The following ZNF143 variants were observed in gnomAD, a reference collection of about 807,000 sequenced individuals.
ZNF143 encodes the protein zinc finger protein 143.
A neutral mutation model predicts 74.1 loss-of-function variants in ZNF143; 49 were observed. The ratio of observed to expected loss-of-function variants is 0.66; its 90% confidence interval spans 0.53 to 0.84. The LOEUF is 0.84. ZNF143 is among the 40% of genes least tolerant of loss of function. The probability of loss-of-function intolerance (pLI) is 0.00; values close to 1 mark genes in which losing one functional copy is unlikely to be tolerated. For synonymous variants in ZNF143, 304 were observed against 282.8 expected (o/e 1.07, Z -0.75); for missense variants, 637 against 793.4 (o/e 0.80, Z 2.37).
intron 7 of ZNF143, among the ~76,000 whole-genome samples, chr11:9,481,314 T>C (rs1261164029): frequency 6.6e-6 from 1 of 151,942 alleles, no homozygotes; most frequent in Non-Finnish European, 1.5e-5. Context: ...CTTGAGCCCG[T>C]GGTTTGAAGT....
Position 9,523,124 on chromosome 11 carries a change from G to C in ZNF143, c.1687-2116G>C, listed in dbSNP as rs1848997136. On this transcript the variant is annotated intron_variant, in intron 14 of 15. Coordinates refer to ENST00000396602, the MANE Select transcript of ZNF143 (RefSeq NM_003442.6). The stretch of plus-strand genomic sequence containing the variant: ...GACCTTGTGGATGACACATTATAGA[G>C]ATTCTGAATTTTGTTATCTTTCTCT... Among the ~76,000 whole-genome samples the C allele has an allele frequency of 2.6e-5, 4 of 152,082 alleles. No homozygotes were observed. In the South Asian group the frequency reaches 8.3e-4, roughly 32 times the overall value.
At chr11:9,466,276 C>A (rs1250978341) in intron 1 of ZNF143, among the ~76,000 whole-genome samples, 2 of 150,372 alleles carry the variant, frequency 1.3e-5, no homozygotes, top group Non-Finnish European at 3.0e-5. Flanking sequence ...AGCCACCATG[C>A]GCAGCCTAAT....
At chr11:9,521,447 C>A (rs1848923238) in intron 14 of ZNF143, among the ~76,000 whole-genome samples, 1 of 152,080 alleles carries the variant, frequency 6.6e-6, no homozygotes, top group African/African-American at 2.4e-5. Context: ...GGGAAGTGTT[C>A]TCTTCTGTAC....
At chr11:9,518,809 T>C (rs540171582) in intron 14 of ZNF143, among the ~76,000 whole-genome samples, 47 of 152,328 alleles carry the variant, frequency 3.1e-4, no homozygotes, top group African/African-American at 1.1e-3. Flanking sequence ...TTGTTACATA[T>C]TGCCAAATTA....
At chr11:9,463,218 A>G (rs1323444112) in intron 1 of ZNF143, among the ~76,000 whole-genome samples, 2 of 152,240 alleles carry the variant, frequency 1.3e-5, no homozygotes, top group Non-Finnish European at 2.9e-5. Context: ...CCCTTTGGCT[A>G]TTACACATAA....
At chr11:9,514,250 G>A (rs907091169) in intron 13 of ZNF143, among the ~76,000 whole-genome samples, 2 of 152,082 alleles carry the variant, frequency 1.3e-5, no homozygotes, top group Non-Finnish European at 2.9e-5. Context: ...GCTCCTCTCC[G>A]ACCATACAGA....
Position 9,511,712 on chromosome 11 carries a change from G to A in ZNF143, c.1376-736G>A, listed in dbSNP as rs1589936114. Among the ~76,000 whole-genome samples, 3 of 151,046 alleles carry A rather than the reference G, an allele frequency of 2.0e-5. No individual in the cohort carries two copies. The East Asian group carries it at 5.9e-4, about 30-fold the overall frequency. Reference sequence around the variant, plus strand: ...CTTGGCTTCCCAAAGTACTGACTGGGATTACAGGTGTGAGCCACTGTGCCT... The same window carrying A: ...CTTGGCTTCCCAAAGTACTGACTGGAATTACAGGTGTGAGCCACTGTGCCT... On this transcript the variant is annotated intron_variant, in intron 12 of 15. Coordinates refer to ENST00000396602, the MANE Select transcript of ZNF143 (RefSeq NM_003442.6).
intron 5 of ZNF143, among the ~76,000 whole-genome samples, chr11:9,475,154 T>C (rs1856802979): frequency 6.6e-6 from 1 of 152,018 alleles, no homozygotes; most frequent in Non-Finnish European, 1.5e-5. Context: ...ATTATAGGCG[T>C]TAGCTACTGC....
intron 13 of ZNF143, among the ~76,000 whole-genome samples, chr11:9,513,055 AT>A (rs1190987721): frequency 6.6e-6 from 1 of 152,192 alleles, no homozygotes; most frequent in Non-Finnish European, 1.5e-5. Context: ...AGGTATCTTG[AT>A]TTCCCCCCAG....
At position 9,471,364 on chromosome 11, in the gene ZNF143, G is replaced by A; in HGVS notation, c.56G>A (p.Gly19Glu). 6.2e-7 allele frequency: 1 copy of A among 1,612,720 alleles called. No individual in the cohort carries two copies. Among genetic ancestry groups the A allele is most frequent in the Non-Finnish European group, 8.5e-7 (1 of 1,179,530 alleles). Residue 19 changes from glycine (G) to glutamate (E), a missense_variant, in exon 2 of 16, where the codon GGA (glycine) becomes GAA (glutamate). Gly to Glu is a moderately conservative substitution (Grantham distance 98). This residue lies in a region of ZNF143 where 293 missense variants were observed against 307.8 expected (regional missense o/e 0.95). Transcript: ENST00000396602. Reference sequence around the variant, plus strand: ...CAGGGAATGACAGAGTTTCCTGGAGGAGGGATGGAGGCGCAACATGTTACG... The same window carrying A: ...CAGGGAATGACAGAGTTTCCTGGAGAAGGGATGGAGGCGCAACATGTTACG... Reference protein sequence around the residue: ...DSQGMTEFPGGGMEAQHVTLC... With the variant: ...DSQGMTEFPGEGMEAQHVTLC...
At chr11:9,517,686 C>G (rs754816259) in intron 14 of ZNF143, among the ~76,000 whole-genome samples, 1 of 152,090 alleles carries the variant, frequency 6.6e-6, no homozygotes, top group Non-Finnish European at 1.5e-5. Flanking sequence ...AAAAACTGTT[C>G]TTGTACTGTG....
rs1390185114 is a variant in ZNF143, at chr11:9,501,117, G to C, written c.994G>C (p.Glu332Gln). Reference sequence around the variant, plus strand: ...AGAAAGGCCCTTTAAGTGTCCCTTCGAAGGCTGCGGTCGGTCCTTTACAAC... The same window carrying C: ...AGAAAGGCCCTTTAAGTGTCCCTTCCAAGGCTGCGGTCGGTCCTTTACAAC... ...TGERPFKCPF[E>Q]GCGRSFTTSN... is the part of the protein sequence containing the mutation. Residue 332 changes from glutamate (E) to glutamine (Q), a missense_variant, in exon 11 of 16, where the codon GAA (glutamate) becomes CAA (glutamine). By Grantham distance (29) the Glu-to-Gln change is conservative (BLOSUM62 2). This residue lies in a region of ZNF143 where 344 missense variants were observed against 485.6 expected (regional missense o/e 0.71). Coordinates refer to ENST00000396602, the MANE Select transcript of ZNF143 (RefSeq NM_003442.6). The C allele has an allele frequency of 6.2e-7, 1 of 1,614,090 alleles. No individual in the cohort carries two copies. The highest frequency in any genetic ancestry group is 8.5e-7 in the Non-Finnish European group (1 of 1,180,024).
At chr11:9,466,753 T>G (rs371657392) in intron 1 of ZNF143, among the ~76,000 whole-genome samples, 2 of 151,738 alleles carry the variant, frequency 1.3e-5, no homozygotes, top group East Asian at 3.9e-4. Flanking sequence ...CAAGGAAAAT[T>G]TTAATGGTCT....
intron 8 of ZNF143, among the ~76,000 whole-genome samples, chr11:9,495,321 A>T (rs2134051932): frequency 6.6e-6 from 1 of 152,218 alleles, no homozygotes; most frequent in Admixed American, 6.5e-5. Context: ...GGTGCCTGTA[A>T]TCCCAGCTAC....
intron 7 of ZNF143, among the ~76,000 whole-genome samples, chr11:9,486,528 C>G (rs1847558305): frequency 1.6e-5 from 2 of 126,382 alleles, no homozygotes; most frequent in African/African-American, 3.1e-5. Flanking sequence ...CTGATCCACC[C>G]TCATCTGCCA....
chr11:9,483,048 C>T (rs1053578103), intron 7 of ZNF143, among the ~76,000 whole-genome samples: 11 of 150,820 alleles, frequency 7.3e-5, no homozygotes, highest in Non-Finnish European at 1.6e-4. Flanking sequence ...GGGTGGAGTG[C>T]AGTGATGTGA....
intron 14 of ZNF143, among the ~76,000 whole-genome samples, chr11:9,519,244 C>G (rs1024784014): frequency 1.3e-5 from 2 of 150,950 alleles, no homozygotes; most frequent in African/African-American, 2.4e-5. Context: ...CAGAGCCTCA[C>G]TCTGTCACCC....
chr11:9,466,620 C>T (rs1856233855), intron 1 of ZNF143, among the ~76,000 whole-genome samples: 1 of 150,726 alleles, frequency 6.6e-6, no homozygotes. Flanking sequence ...TTTTTATTTT[C>T]CGTAGAGACA....
rs869069237 is a variant in ZNF143, at chr11:9,476,746, CTTTTTTTTTTTTTTTTT to C, written c.374-1629_374-1613del. ...TTGTTGTGAAGCCAAAGGGAGGAATCTTTTTTTTTTTTTTTTTTTTTTTTTTTTTTTGAGACAGACTC... is the reference window on the plus strand; with the variant it reads ...TTGTTGTGAAGCCAAAGGGAGGAATCTTTTTTTTTTTTTTGAGACAGACTC... On this transcript the variant is annotated intron_variant, in intron 5 of 15. Coordinates refer to ENST00000396602, the MANE Select transcript of ZNF143 (RefSeq NM_003442.6). Among the ~76,000 whole-genome samples the C allele has an allele frequency of 8.0e-4, 28 of 34,854 alleles. No individual in the cohort carries two copies. The East Asian group carries it at 0.017, about 22-fold the overall frequency. 22.9% of individuals were successfully genotyped at this position (34,854 alleles called of 152,430 possible).
Sources: gnomAD v4.1 joint callset for allele counts (sites outside exome capture counted in the v4.1 genomes callset) on GRCh38, gnomAD v4.1.1 for gene constraint, gnomAD v4.1.1 regional missense constraint, MANE v1.5 for transcripts, NCBI Gene and HGNC (gene_info 2026-07-23, HGNC 2026-07-21) for gene names.